The following TLE1 variants were observed in gnomAD, a reference collection of about 807,000 sequenced individuals.
TLE1 encodes the protein TLE family member 1, transcriptional corepressor.
A neutral mutation model predicts 89.8 loss-of-function variants in TLE1; 21 were observed. The observed-to-expected ratio is 0.23, with a 90% CI of 0.17 to 0.34. The LOEUF (loss-of-function observed/expected upper bound fraction) is 0.34, where lower values mean the gene tolerates loss of function less well. TLE1 is among the 10% of genes least tolerant of loss of function. The probability of loss-of-function intolerance (pLI) is 1.00; values close to 1 mark genes in which losing one functional copy is unlikely to be tolerated. For missense variants in TLE1, 795 were observed against 1,031.2 expected, an observed-to-expected ratio of 0.77 and a Z score of 3.14; for synonymous variants, 447 against 407.6, an observed-to-expected ratio of 1.10 and a Z score of -1.16.
chr9:81,628,117 T>C (rs1446720956), intron 8 of TLE1, among the ~76,000 whole-genome samples: 2 of 152,180 alleles, frequency 1.3e-5, no homozygotes, highest in Admixed American at 6.5e-5. Flanking sequence ...CAGAAGTAAC[T>C]GCATTGAATG....
rs920861741 is a variant in TLE1, at chr9:81,685,730, G to A, written c.190-10C>T. Reference sequence around the variant, plus strand: ...ATGACATTTCATAATACTGTAAAGAGAAAAAAGAATCAAGCATTTCATTAA... The same window carrying A: ...ATGACATTTCATAATACTGTAAAGAAAAAAAAGAATCAAGCATTTCATTAA... On this transcript the variant is annotated splice_polypyrimidine_tract_variant and intron_variant, in intron 3 of 19. Coordinates refer to ENST00000376499, the MANE Select transcript of TLE1 (RefSeq NM_005077.5). 2 of 1,612,500 alleles carry A rather than the reference G, an allele frequency of 1.2e-6. No individual in the cohort carries two copies. Among genetic ancestry groups the A allele is most frequent in the Non-Finnish European group, 1.7e-6 (2 of 1,179,130 alleles).
chr9:81,614,214 C>T (rs1311929005), intron 11 of TLE1, among the ~76,000 whole-genome samples: 1 of 152,130 alleles, frequency 6.6e-6, no homozygotes, highest in Non-Finnish European at 1.5e-5. Flanking sequence ...GGCCAGAAGA[C>T]CCCTTTTCAA....
At chr9:81,607,468 CA>C (rs1418784479) in intron 14 of TLE1, among the ~76,000 whole-genome samples, 1 of 152,204 alleles carries the variant, frequency 6.6e-6, no homozygotes, top group Non-Finnish European at 1.5e-5. Flanking sequence ...CTATTACACC[CA>C]AGTGGGGGCT....
At chr9:81,597,655 C>G (rs574549338) in intron 14 of TLE1, among the ~76,000 whole-genome samples, 1 of 152,282 alleles carries the variant, frequency 6.6e-6, no homozygotes, top group African/African-American at 2.4e-5. Context: ...AATCAAGCTC[C>G]TACAGATCAG....
rs186089686 is a variant in TLE1, at chr9:81,588,282, C to G, written c.1830-454G>C. Among the ~76,000 whole-genome samples the G allele has an allele frequency of 3.7e-3, 571 of 152,320 alleles. 2 individuals carry two copies. Among genetic ancestry groups the G allele is most frequent in the Non-Finnish European group, 6.2e-3 (419 of 68,030 alleles). On this transcript the variant is annotated intron_variant, in intron 16 of 19. Transcript: ENST00000376499. ...GTGAGAGAAAGAAATGGGGACGTTA[C>G]AAGCACAGGGTGTACAGAAGCATTC...
chr9:81,639,593 T>TG (rs1436726508), intron 6 of TLE1, among the ~76,000 whole-genome samples: 1 of 148,714 alleles, frequency 6.7e-6, no homozygotes, highest in Non-Finnish European at 1.5e-5. Flanking sequence ...TTTTTGTTTT[T>TG]TTTTTTTTTG....
At chr9:81,656,746 C>T (rs893841120) in intron 4 of TLE1, among the ~76,000 whole-genome samples, 1 of 152,180 alleles carries the variant, frequency 6.6e-6, no homozygotes, top group Non-Finnish European at 1.5e-5. Flanking sequence ...TGAAACATTC[C>T]ACCATACAAG....
Position 81,584,034 on chromosome 9 carries a change from G to A in TLE1, c.*164C>T. 1 of 635,910 alleles carries A rather than the reference G, an allele frequency of 1.6e-6. No homozygotes were observed. The highest frequency in any genetic ancestry group is 2.7e-6 in the Non-Finnish European group (1 of 367,272). 39.4% of individuals were successfully genotyped at this position (635,910 alleles called of 1,614,324 possible). A position where few individuals can be genotyped will look rare whatever the true frequency, so the allele number is the denominator to read the frequency against. ...TGTAGACAGGTGACTTTCTGCTGAT[G>A]GACTTGTCGCCTCCTCTTTGTAGAC... On this transcript the variant is annotated 3_prime_UTR_variant, in exon 20 of 20. Transcript: ENST00000376499.
At chr9:81,687,300 C>T in intron 2 of TLE1, 34 bp downstream of exon 2, 1 of 1,572,808 alleles carries the variant, frequency 6.4e-7, no homozygotes, top group Non-Finnish European at 8.6e-7. Context: ...CCGGGACGCC[C>T]GCGACCACTC....
At chr9:81,630,228 G>A (rs569116204) in intron 8 of TLE1, among the ~76,000 whole-genome samples, 2 of 151,720 alleles carry the variant, frequency 1.3e-5, no homozygotes, top group African/African-American at 4.8e-5. Flanking sequence ...GGAGACCCTC[G>A]CAAATCTATG....
intron 1 of TLE1, 67 bp from the exon 2 acceptor site, chr9:81,687,501 GAGAAGGCA>G: frequency 1.6e-6 from 2 of 1,227,844 alleles, no homozygotes; most frequent in Admixed American, 2.0e-5. Flanking sequence ...CAGTAAGTCA[GAGAAGGCA>G]AGAACGGGTG....
rs976886236 is a variant in TLE1 at position 81,636,302 on chromosome 9, C to T, written c.373-2001G>A. 2.0e-5 allele frequency among the ~76,000 whole-genome samples: 3 copies of T among 152,036 alleles called. No homozygotes were observed. In the East Asian group the frequency reaches 5.8e-4, roughly 29 times the overall value. On this transcript the variant is annotated intron_variant, in intron 6 of 19. Transcript: ENST00000376499. Reference sequence around the variant, plus strand: ...ACTGAAGAAGCTTGCAGTGGCATCACGGTCCACTAGGCATGCTCATTAGCA... The same window carrying T: ...ACTGAAGAAGCTTGCAGTGGCATCATGGTCCACTAGGCATGCTCATTAGCA...
chr9:81,672,998 C>T (rs1042053228), intron 4 of TLE1, among the ~76,000 whole-genome samples: 9 of 151,880 alleles, frequency 5.9e-5, no homozygotes, highest in African/African-American at 1.4e-4. Flanking sequence ...CAAGGCCGGA[C>T]GCGGTGGCTC....
At chr9:81,677,584 A>AC (rs1833061087) in intron 4 of TLE1, among the ~76,000 whole-genome samples, 2 of 150,912 alleles carry the variant, frequency 1.3e-5, no homozygotes, top group East Asian at 3.9e-4. Flanking sequence ...AAAAAAAAAA[A>AC]GTAAACAACT....
At chr9:81,610,749 C>A (rs1018550428) in intron 13 of TLE1, among the ~76,000 whole-genome samples, 1 of 150,294 alleles carries the variant, frequency 6.7e-6, no homozygotes, top group African/African-American at 2.5e-5. Context: ...CCTGCCCCCC[C>A]TCCCACCCCC....
At chr9:81,658,002 C>T (rs1465623265) in intron 4 of TLE1, among the ~76,000 whole-genome samples, 1 of 151,224 alleles carries the variant, frequency 6.6e-6, no homozygotes, top group African/African-American at 2.4e-5. Context: ...CTCCACCTCC[C>T]GGGTTCTAAG....
At chr9:81,676,908 T>C (rs933136087) in intron 4 of TLE1, among the ~76,000 whole-genome samples, 1 of 152,250 alleles carries the variant, frequency 6.6e-6, no homozygotes, top group African/African-American at 2.4e-5. Flanking sequence ...ATTTTAAATG[T>C]ATACAACAGT....
At chr9:81,657,927 T>C (rs2265659) in intron 4 of TLE1, among the ~76,000 whole-genome samples, 26,194 of 143,656 alleles carry the variant, frequency 0.18, 2,287 homozygotes, top group South Asian at 0.4. Context: ...TTTTTTTTTT[T>C]AAGACAGAGT....
chr9:81,587,643 C>A, intron 17 of TLE1, 38 bp downstream of exon 17: 1 of 1,576,264 alleles, frequency 6.3e-7, no homozygotes, highest in Non-Finnish European at 8.6e-7. Flanking sequence ...CCCCAGCCAC[C>A]TCCCAGACTC....
Sources: allele counts gnomAD v4.1 joint callset (sites outside exome capture counted in the v4.1 genomes callset), GRCh38; gene constraint gnomAD v4.1.1; transcripts MANE v1.5; gene names NCBI Gene and HGNC (gene_info 2026-07-23, HGNC 2026-07-21).